The following NRXN1 variants were observed in gnomAD, a reference collection of about 807,000 sequenced individuals.
NRXN1 encodes neurexin 1, also known as neurexin-1.
NRXN1 carries 39 observed loss-of-function variants against 150.9 expected under a neutral mutation model. The observed-to-expected ratio is 0.26, with a 90% CI of 0.20 to 0.34. The LOEUF (loss-of-function observed/expected upper bound fraction) is 0.34, where lower values mean the gene tolerates loss of function less well. NRXN1 is among the 10% of genes least tolerant of loss of function. The pLI, the probability that NRXN1 is intolerant of heterozygous loss-of-function variation, is 1.00. For synonymous variants in NRXN1, 924 were observed against 757.0 expected (o/e 1.22, Z -3.62); for missense variants, 1,815 against 1,949.9 (o/e 0.93, Z 1.30).
At chr2:50,361,138 C>T (rs2079158256) in intron 17 of NRXN1, among the ~76,000 whole-genome samples, 1 of 152,160 alleles carries the variant, frequency 6.6e-6, no homozygotes, top group Admixed American at 6.5e-5. Flanking sequence ...ATTTATAGCA[C>T]ATAATGCCCA....
chr2:50,118,215 G>T (rs1006354431), intron 18 of NRXN1, among the ~76,000 whole-genome samples: 2 of 152,088 alleles, frequency 1.3e-5, no homozygotes, highest in Non-Finnish European at 2.9e-5. Flanking sequence ...ATGTCTTCTG[G>T]GAATCTTGTA....
At chr2:50,765,964 C>A (rs1324748031) in intron 5 of NRXN1, among the ~76,000 whole-genome samples, 3 of 151,894 alleles carry the variant, frequency 2.0e-5, no homozygotes, top group Non-Finnish European at 4.4e-5. Flanking sequence ...GGTTTTTATG[C>A]CTAGAAGAGA....
In NRXN1 at chr2:50,533,961, C is replaced by T. The variant is rs186197921; in HGVS notation, c.2144-2531G>A. 1.8e-4 allele frequency among the ~76,000 whole-genome samples: 28 copies of T among 152,186 alleles called. No homozygotes were observed. The East Asian group carries it at 4.2e-3, about 23-fold the overall frequency. ...CCATTTCTTGTTTGTAGAGTATTAT[C>T]TGTATATGCCCTTTAGAATACAAGT... On this transcript the variant is annotated intron_variant, in intron 10 of 22. Coordinates refer to ENST00000401669, the MANE Select transcript of NRXN1 (RefSeq NM_001330078.2).
intron 2 of NRXN1, among the ~76,000 whole-genome samples, chr2:51,023,230 A>T (rs1343375804): frequency 6.6e-6 from 1 of 152,128 alleles, no homozygotes; most frequent in African/African-American, 2.4e-5. Context: ...GACATTTTGG[A>T]AATATAAATG....
In NRXN1 at chr2:51,028,470, T is replaced by G. The variant is rs1454189210; in HGVS notation, c.-197A>C. On this transcript the variant is annotated 5_prime_UTR_variant, in exon 2 of 23. Coordinates refer to ENST00000401669, the MANE Select transcript of NRXN1 (RefSeq NM_001330078.2). Reference sequence around the variant, plus strand: ...ATAACCCCGCCCTCTCTCCCTGTAGTCCTCTTCCAACTGGAAAACGTTGAC... The same window carrying G: ...ATAACCCCGCCCTCTCTCCCTGTAGGCCTCTTCCAACTGGAAAACGTTGAC... The G allele has an allele frequency of 2.3e-6, 1 of 435,688 alleles. No homozygotes were observed. The highest frequency in any genetic ancestry group is 4.0e-6 in the Non-Finnish European group (1 of 248,692). The allele number at this position is 435,688 out of a possible 1,614,324, so 27.0% of individuals were successfully genotyped here.
At chr2:50,860,604 G>T (rs1301457387) in intron 5 of NRXN1, among the ~76,000 whole-genome samples, 1 of 152,072 alleles carries the variant, frequency 6.6e-6, no homozygotes, top group Non-Finnish European at 1.5e-5. Flanking sequence ...GAAAGGAGTA[G>T]TTTGCAGAGG....
At chr2:50,399,546 C>T (rs1339780602) in intron 17 of NRXN1, among the ~76,000 whole-genome samples, 5 of 151,658 alleles carry the variant, frequency 3.3e-5, no homozygotes, top group Admixed American at 2.0e-4. Context: ...AGCACAGGGC[C>T]CTTTGCTCTT....
At chr2:50,890,392 C>T (rs574356530) in intron 5 of NRXN1, among the ~76,000 whole-genome samples, 1 of 151,916 alleles carries the variant, frequency 6.6e-6, no homozygotes, top group South Asian at 2.1e-4. Flanking sequence ...ATCTATATCA[C>T]ATAATGAAAG....
intron 17 of NRXN1, among the ~76,000 whole-genome samples, chr2:50,277,623 C>T (rs1321587123): frequency 6.6e-6 from 1 of 151,830 alleles, no homozygotes; most frequent in East Asian, 1.9e-4. Context: ...GTTTTGATCA[C>T]CAAGCTCAGT....
chr2:49,988,399 A>G (rs990610852), intron 21 of NRXN1, among the ~76,000 whole-genome samples: 1 of 152,042 alleles, frequency 6.6e-6, no homozygotes, highest in Non-Finnish European at 1.5e-5. Flanking sequence ...ACTGGGAAAC[A>G]AAAAGAGGGG....
intron 18 of NRXN1, among the ~76,000 whole-genome samples, chr2:50,178,835 C>A (rs1245992681): frequency 6.6e-6 from 1 of 152,076 alleles, no homozygotes; most frequent in Admixed American, 6.6e-5. Context: ...TAGCTTGTAG[C>A]TGCCAAAGAC....
At chr2:50,849,353 G>C (rs866631181) in intron 5 of NRXN1, among the ~76,000 whole-genome samples, 3 of 152,070 alleles carry the variant, frequency 2.0e-5, no homozygotes, top group South Asian at 2.1e-4. Context: ...CTAGACTCCT[G>C]TCAGTTTTAC....
At chr2:49,934,097 C>A (rs1474711681) in intron 22 of NRXN1, among the ~76,000 whole-genome samples, 1 of 152,112 alleles carries the variant, frequency 6.6e-6, no homozygotes, top group Non-Finnish European at 1.5e-5. Flanking sequence ...AATTACATTT[C>A]TCTCTCTTTC....
At chr2:50,402,462 C>T (rs1159065031) in intron 17 of NRXN1, among the ~76,000 whole-genome samples, 2 of 151,728 alleles carry the variant, frequency 1.3e-5, no homozygotes, top group Admixed American at 1.3e-4. Flanking sequence ...AAGGTGAAAA[C>T]GGAATAAATA....
intron 21 of NRXN1, among the ~76,000 whole-genome samples, chr2:49,956,699 A>G (rs1397061821): frequency 1.3e-5 from 2 of 152,294 alleles, no homozygotes; most frequent in African/African-American, 2.4e-5. Context: ...TTATTATTAT[A>G]TGATTCCATA....
chr2:49,980,427 A>G (rs1017528223), intron 21 of NRXN1, among the ~76,000 whole-genome samples: 27 of 152,310 alleles, frequency 1.8e-4, no homozygotes, highest in African/African-American at 6.5e-4. Flanking sequence ...ATGAATAGAA[A>G]TGGGAAGCTT....
rs78276107 is a variant in NRXN1, at chr2:50,208,437, C to T, written c.3546+28352G>A. Among the ~76,000 whole-genome samples, 6 of 152,084 alleles carry T rather than the reference C, an allele frequency of 3.9e-5. No homozygotes were observed. The East Asian group carries it at 5.8e-4, about 15-fold the overall frequency. On this transcript the variant is annotated intron_variant, in intron 18 of 22. Coordinates refer to ENST00000401669, the MANE Select transcript of NRXN1 (RefSeq NM_001330078.2). ...TACAGTTCCGGTCTCCCTCCTCTGA[C>T]CATTCTTGCAAATCTTTGTAAATCT...
At chr2:50,019,281 A>C (rs1434774641) in intron 21 of NRXN1, 3 of 471,352 alleles carry the variant, frequency 6.4e-6, no homozygotes, top group African/African-American at 6.0e-5. Context: ...TAAGTTTGAA[A>C]GCTGTTTGAG....
At chr2:50,381,728 C>T (rs899668888) in intron 17 of NRXN1, among the ~76,000 whole-genome samples, 1 of 152,090 alleles carries the variant, frequency 6.6e-6, no homozygotes, top group African/African-American at 2.4e-5. Flanking sequence ...ACTGCAACTG[C>T]TTTTGCACCA....
Sources: gnomAD v4.1 joint callset for allele counts (sites outside exome capture counted in the v4.1 genomes callset) on GRCh38, gnomAD v4.1.1 for gene constraint, MANE v1.5 for transcripts, NCBI Gene and HGNC (gene_info 2026-07-23, HGNC 2026-07-21) for gene names.